DNAJB14: variants seen among roughly 807,000 people sequenced by gnomAD.
The protein encoded by DNAJB14 is dnaJ homolog subfamily B member 14.
A neutral mutation model predicts 48.4 loss-of-function variants in DNAJB14; 22 were observed. The ratio of observed to expected loss-of-function variants is 0.45; its 90% CI spans 0.32 to 0.65. The LOEUF is 0.65. Among genes scored for constraint, DNAJB14 ranks in the 30% least tolerant of loss-of-function variants. The pLI, the probability that DNAJB14 is intolerant of heterozygous loss-of-function variation, is 0.03. For missense variants in DNAJB14, 319 were observed against 458.8 expected, an observed-to-expected ratio of 0.70 and a Z score of 2.78; for synonymous variants, 142 against 158.7, an observed-to-expected ratio of 0.89 and a Z score of 0.79.
chr4:99,932,691 A>C (rs897171187), intron 1 of DNAJB14, among the ~76,000 whole-genome samples: 18 of 152,242 alleles, frequency 1.2e-4, no homozygotes, highest in Admixed American at 5.9e-4. Flanking sequence ...ACTGATTCAC[A>C]AATGTTCATT....
chr4:99,906,557 T>C lies in DNAJB14; in HGVS notation c.692A>G (p.His231Arg). Residue 231 changes from histidine (H) to arginine (R), a missense_variant, in exon 5 of 8, where the codon CAT becomes CGT. His to Arg is a conservative substitution (Grantham distance 29). Around this residue, in one of 3 missense-constraint regions of DNAJB14, gnomAD observed 166 missense variants for 236.3 expected, o/e 0.70. Coordinates refer to ENST00000442697, the MANE Select transcript of DNAJB14 (RefSeq NM_001031723.4). ...GRAGYSQQHQ[H>R]RHSGHEREEE... is the part of the protein sequence containing the mutation. ...TTCTCTTTCATGTCCACTATGTCGATGCTGATGTTGTTGGCTATAACCAGC... is the reference window on the plus strand; with the variant it reads ...TTCTCTTTCATGTCCACTATGTCGACGCTGATGTTGTTGGCTATAACCAGC... The C allele has an allele frequency of 6.2e-7, 1 of 1,611,604 alleles. No individual in the cohort carries two copies. The highest frequency in any genetic ancestry group is 8.5e-7 in the Non-Finnish European group (1 of 1,179,628).
At chr4:99,946,274 AGGGC>A (rs1203110893) in intron 1 of DNAJB14, among the ~76,000 whole-genome samples, 161 bp downstream of exon 1, 1 of 152,044 alleles carries the variant, frequency 6.6e-6, no homozygotes, top group Non-Finnish European at 1.5e-5. Context: ...GGCTGGGGCC[AGGGC>A]GGGGGTGTGT....
chr4:99,924,930 T>A, intron 2 of DNAJB14: 1 of 712,124 alleles, frequency 1.4e-6, no homozygotes, highest in Non-Finnish European at 2.5e-6. Context: ...TACTACAGAA[T>A]CTTCATTTAT....
intron 6 of DNAJB14, 74 bp downstream of exon 6, chr4:99,905,523 A>G: frequency 8.8e-7 from 1 of 1,138,002 alleles, no homozygotes; most frequent in South Asian, 1.4e-5. Flanking sequence ...TTAAAAGAGC[A>G]CAAGCTCTTT....
intron 1 of DNAJB14, among the ~76,000 whole-genome samples, chr4:99,932,284 A>G (rs1340549682): frequency 2.0e-5 from 3 of 152,152 alleles, no homozygotes; most frequent in Non-Finnish European, 4.4e-5. Flanking sequence ...TATCCAGAAT[A>G]TATAAAGAAT....
At chr4:99,921,006 A>G (rs919463499) in intron 3 of DNAJB14, among the ~76,000 whole-genome samples, 2 of 152,226 alleles carry the variant, frequency 1.3e-5, no homozygotes, top group Non-Finnish European at 2.9e-5. Context: ...GATACAGAAG[A>G]TAATGAGAAG....
intron 2 of DNAJB14, chr4:99,927,067 C>T (rs532278373): frequency 6.6e-6 from 1 of 152,292 alleles, no homozygotes; most frequent in Non-Finnish European, 1.5e-5. Flanking sequence ...CAATCTGCTG[C>T]TTTCTAAAAG....
chr4:99,941,279 A>G (rs1454171521), intron 1 of DNAJB14, among the ~76,000 whole-genome samples: 2 of 152,206 alleles, frequency 1.3e-5, no homozygotes, highest in Non-Finnish European at 2.9e-5. Context: ...AGCAAGGCAG[A>G]AGAACTAAAT....
chr4:99,922,834 T>C, intron 3 of DNAJB14: 1 of 489,904 alleles, frequency 2.0e-6, no homozygotes, highest in Non-Finnish European at 3.6e-6. Flanking sequence ...GTATCAGAAC[T>C]GGAATGTTGC....
chr4:99,923,140 T>C lies in DNAJB14; in HGVS notation c.351A>G (p.Lys117=). 1.2e-6 allele frequency: 2 copies of C among 1,612,940 alleles called. No homozygotes were observed. Among genetic ancestry groups the C allele is most frequent in the African/African-American group, 2.7e-5 (2 of 75,008 alleles). ...TTTTCAAATCTTCATCACCAGCATC[T>C]TTCGTAACTCCAAGTACTTCATAGT... ...KNYYEVLGVT[K]DAGDEDLKKA... Residue 117 remains lysine (K), a synonymous_variant, in exon 3 of 8, where the codon AAA becomes AAG. Transcript: ENST00000442697.
At chr4:99,918,149 T>C (rs1290375225) in intron 3 of DNAJB14, among the ~76,000 whole-genome samples, 1 of 152,210 alleles carries the variant, frequency 6.6e-6, no homozygotes, top group Admixed American at 6.5e-5. Context: ...TCTGAGGCTA[T>C]GTCCTTTTTC....
chr4:99,935,759 G>A (rs1045673297), intron 1 of DNAJB14, among the ~76,000 whole-genome samples: 6 of 152,108 alleles, frequency 3.9e-5, no homozygotes, highest in Non-Finnish European at 8.8e-5. Context: ...AACCAAGGAA[G>A]CTTATTGGGA....
chr4:99,899,192 C>T lies in DNAJB14; in HGVS notation c.*1836G>A, dbSNP rs1725216344. ...ATCAGTCAACAAGAAGGTAAGTTCA[C>T]AGAATTATCAGCCATAATAGTGTAA... On this transcript the variant is annotated 3_prime_UTR_variant, in exon 8 of 8. Transcript: ENST00000442697. 1 of 151,666 alleles carries T rather than the reference C, an allele frequency of 6.6e-6. No individual in the cohort carries two copies. 9.4% of individuals were successfully genotyped at this position (151,666 alleles called of 1,614,324 possible).
intron 3 of DNAJB14, among the ~76,000 whole-genome samples, chr4:99,909,328 G>T (rs1041543575): frequency 6.6e-6 from 1 of 151,970 alleles, no homozygotes; most frequent in Non-Finnish European, 1.5e-5. Context: ...ATTCAAGAAG[G>T]TTAAATAACT....
intron 1 of DNAJB14, among the ~76,000 whole-genome samples, chr4:99,943,853 AG>A (rs1314116252): frequency 1.3e-5 from 2 of 152,230 alleles, no homozygotes; most frequent in African/African-American, 4.8e-5. Context: ...TGACAGCAAA[AG>A]CACAAAAAAA....
intron 3 of DNAJB14, among the ~76,000 whole-genome samples, chr4:99,915,915 G>A (rs951451537): frequency 6.6e-6 from 1 of 151,970 alleles, no homozygotes; most frequent in African/African-American, 2.4e-5. Flanking sequence ...GCTGTCTTTC[G>A]GTGCATATAC....
At chr4:99,901,238 CTT>C (rs751971068) in intron 7 of DNAJB14, 86 bp from the exon 8 acceptor site, 30 of 1,189,584 alleles carry the variant, frequency 2.5e-5, no homozygotes, top group Non-Finnish European at 3.4e-5. Context: ...TACAGGAGCC[CTT>C]TGATATATTT....
At chr4:99,901,198 C>T (rs759351119) in intron 7 of DNAJB14, 46 bp from the exon 8 acceptor site, 5 of 1,523,488 alleles carry the variant, frequency 3.3e-6, no homozygotes, top group Non-Finnish European at 3.5e-6. Context: ...AAATTTTTGT[C>T]ACCTAGTTGC....
chr4:99,911,798 C>T (rs942012081), intron 3 of DNAJB14, among the ~76,000 whole-genome samples: 1 of 152,124 alleles, frequency 6.6e-6, no homozygotes, highest in Non-Finnish European at 1.5e-5. Context: ...AGATACCTGT[C>T]CTTTGTCAAA....
Sources: gnomAD v4.1 joint callset for allele counts (sites outside exome capture counted in the v4.1 genomes callset) on GRCh38, gnomAD v4.1.1 for gene constraint, gnomAD v4.1.1 regional missense constraint, MANE v1.5 for transcripts, NCBI Gene and HGNC (gene_info 2026-07-23, HGNC 2026-07-21) for gene names.